The following TMEM50B variants were observed in gnomAD, a reference collection of about 807,000 sequenced individuals.
TMEM50B encodes HCV p7-trans-regulated protein 3.
In TMEM50B, 14 loss-of-function variants were observed where a neutral mutation model predicts 23.4. That is an observed-to-expected ratio of 0.60 (90% CI 0.39 to 0.93). TMEM50B has a LOEUF of 0.93. Among genes scored for constraint, TMEM50B ranks in the 40% least tolerant of loss-of-function variants. TMEM50B has a pLI of 0.00. For synonymous variants in TMEM50B, 64 were observed against 62.3 expected, an observed-to-expected ratio of 1.03 and a Z score of -0.13; for missense variants, 159 against 193.0, an observed-to-expected ratio of 0.82 and a Z score of 1.04.
intron 4 of TMEM50B, among the ~76,000 whole-genome samples, chr21:33,462,806 C>T (rs2084228572): frequency 6.6e-6 from 1 of 152,190 alleles, no homozygotes; most frequent in Non-Finnish European, 1.5e-5. Flanking sequence ...TTTACCTTCC[C>T]TCATTCCTGA....
At chr21:33,436,780 T>C (rs780982040) in intron 8 of TMEM50B, 4 of 1,535,182 alleles carry the variant, frequency 2.6e-6, no homozygotes, top group Non-Finnish European at 3.6e-6. Context: ...AGGTCTGGTA[T>C]ACTGAACTGG....
chr21:33,456,045 A>C (rs1432856005), intron 5 of TMEM50B: 5 of 662,628 alleles, frequency 7.5e-6, no homozygotes, highest in East Asian at 3.1e-5. Context: ...TTCTAGCTAC[A>C]TCAAAACTGC....
chr21:33,460,121 TG>T (rs569509580), intron 5 of TMEM50B, among the ~76,000 whole-genome samples: 104 of 152,256 alleles, frequency 6.8e-4, no homozygotes, highest in African/African-American at 2.3e-3. Flanking sequence ...TCCCAGTAAA[TG>T]GGCCTCTAGC....
chr21:33,453,516 C>T (rs1246996589), intron 6 of TMEM50B, among the ~76,000 whole-genome samples: 1 of 151,812 alleles, frequency 6.6e-6, no homozygotes, highest in African/African-American at 2.4e-5. Flanking sequence ...AATTGAAATC[C>T]CAGAGGGAGG....
chr21:33,461,674 G>C (rs1008017138), intron 4 of TMEM50B, among the ~76,000 whole-genome samples: 1 of 151,890 alleles, frequency 6.6e-6, no homozygotes, highest in Non-Finnish European at 1.5e-5. Flanking sequence ...GCTTGGTGGC[G>C]GGTGCCTGTA....
chr21:33,458,809 T>C (rs2084192136), intron 5 of TMEM50B, among the ~76,000 whole-genome samples: 2 of 152,244 alleles, frequency 1.3e-5, no homozygotes, highest in Admixed American at 1.3e-4. Context: ...ACCAGAATTA[T>C]GTGCTCTAGT....
At chr21:33,442,897 G>C (rs1470041024) in intron 7 of TMEM50B, among the ~76,000 whole-genome samples, 1 of 150,488 alleles carries the variant, frequency 6.6e-6, no homozygotes, top group Non-Finnish European at 1.5e-5. Context: ...TCCAGCCTGG[G>C]CTAACAGAGA....
At chr21:33,464,529 G>A (rs1164689163) in intron 4 of TMEM50B, among the ~76,000 whole-genome samples, 1 of 147,934 alleles carries the variant, frequency 6.8e-6, no homozygotes, top group African/African-American at 2.5e-5. Flanking sequence ...AATTGGGCCG[G>A]GCTCGGTGGC....
At chr21:33,443,696 T>C (rs1386066075) in intron 7 of TMEM50B, among the ~76,000 whole-genome samples, 1 of 152,196 alleles carries the variant, frequency 6.6e-6, no homozygotes, top group Non-Finnish European at 1.5e-5. Context: ...CACAAAGTAC[T>C]GTATCAATGT....
Position 33,450,768 on chromosome 21 carries a change from T to G in TMEM50B, c.*50A>C. ...AATGTGTACTGAGAGATAAAAAACC[T>G]ATCTACAAACAGAATATAACAAAAG... is the stretch of plus-strand genomic sequence containing the variant. On this transcript the variant is annotated 3_prime_UTR_variant, in exon 7 of 7. Coordinates refer to ENST00000542230, the MANE Select transcript of TMEM50B (RefSeq NM_006134.7). The G allele has an allele frequency of 6.6e-7, 1 of 1,512,314 alleles. No homozygotes were observed. The highest frequency in any genetic ancestry group is 1.2e-5 in the South Asian group (1 of 85,698). The allele number at this position is 1,512,314 out of a possible 1,614,324, so 93.7% of individuals were successfully genotyped here.
chr21:33,438,878 C>T (rs1459662777), intron 8 of TMEM50B, among the ~76,000 whole-genome samples: 3 of 152,158 alleles, frequency 2.0e-5, no homozygotes, highest in South Asian at 2.1e-4. Context: ...TACAGGCGTG[C>T]ACCACTATGC....
At chr21:33,470,158 G>A (rs2084299960) in intron 1 of TMEM50B, among the ~76,000 whole-genome samples, 1 of 151,926 alleles carries the variant, frequency 6.6e-6, no homozygotes, top group South Asian at 2.1e-4. Context: ...GAAATTGAAA[G>A]AAACTTCATC....
At chr21:33,432,890 C>CTTT (rs143248516) in intron 8 of TMEM50B, 180 of 1,477,600 alleles carry the variant, frequency 1.2e-4, no homozygotes, top group Admixed American at 2.2e-4. Flanking sequence ...GCACACATCT[C>CTTT]TTTTTTTTTT....
At chr21:33,479,378 G>A (rs959473851) in intron 1 of TMEM50B, 1 of 152,314 alleles carries the variant, frequency 6.6e-6, no homozygotes, top group African/African-American at 2.4e-5. Context: ...GGGCAAACGG[G>A]AGGGGCGAAG....
At chr21:33,477,236 G>A (rs1009825587) in intron 1 of TMEM50B, among the ~76,000 whole-genome samples, 5 of 152,042 alleles carry the variant, frequency 3.3e-5, no homozygotes, top group Non-Finnish European at 7.4e-5. Flanking sequence ...GCAGCAAGCC[G>A]TGAGGGAACC....
In TMEM50B at chr21:33,455,801, A is replaced by G. The variant is rs779250116; in HGVS notation, c.374-17T>C. 5.0e-6 allele frequency: 8 copies of G among 1,606,734 alleles called. No individual in the cohort carries two copies. The African/African-American group carries it at 5.4e-5, about 11-fold the overall frequency. On this transcript the variant is annotated splice_polypyrimidine_tract_variant and intron_variant, in intron 5 of 6. Coordinates refer to ENST00000542230, the MANE Select transcript of TMEM50B (RefSeq NM_006134.7). ...CATCAGTATCTACATACACAAAGTAAAACAGATTAGACGGTTATATAGGCA... is the reference window on the plus strand; with the variant it reads ...CATCAGTATCTACATACACAAAGTAGAACAGATTAGACGGTTATATAGGCA...
At position 33,474,208 on chromosome 21, in the gene TMEM50B, G is replaced by T. The variant is rs200215288; in HGVS notation, c.-41-5282C>A. 3.7e-4 allele frequency among the ~76,000 whole-genome samples: 55 copies of T among 148,126 alleles called. No homozygotes were observed. The East Asian group carries it at 9.1e-3, about 25-fold the overall frequency. On this transcript the variant is annotated intron_variant, in intron 1 of 6. Coordinates refer to ENST00000542230, the MANE Select transcript of TMEM50B (RefSeq NM_006134.7). ...GGGGGCAGGGGAGGGGGTTGTTGTT[G>T]TTTTTTTTAAGAGAGACAGGGTTTC...
chr21:33,436,662 C>CAG (rs1432289857), intron 8 of TMEM50B, among the ~76,000 whole-genome samples: 1 of 151,190 alleles, frequency 6.6e-6, no homozygotes, highest in Non-Finnish European at 1.5e-5. Context: ...GCAGAGGTTG[C>CAG]AGTGAGCTGA....
At chr21:33,454,661 T>C (rs2084153026) in intron 6 of TMEM50B, among the ~76,000 whole-genome samples, 1 of 152,030 alleles carries the variant, frequency 6.6e-6, no homozygotes, top group Non-Finnish European at 1.5e-5. Flanking sequence ...TTACCTGTTG[T>C]TGTTAATTTT....
Sources: allele counts gnomAD v4.1 joint callset (sites outside exome capture counted in the v4.1 genomes callset), GRCh38; gene constraint gnomAD v4.1.1; transcripts MANE v1.5; gene names NCBI Gene and HGNC (gene_info 2026-07-23, HGNC 2026-07-21).